TCTN3: variants seen among roughly 807,000 people sequenced by gnomAD.
The protein encoded by TCTN3 is tectonic family member 3, also known as tectonic-3.
A neutral mutation model predicts 71.3 loss-of-function variants in TCTN3; 57 were observed. The observed-to-expected ratio is 0.80, with a 90% CI of 0.65 to 1.00. The LOEUF (loss-of-function observed/expected upper bound fraction) is 1.00. Among genes scored for constraint, TCTN3 ranks in the 50% least tolerant of loss-of-function variants. The probability of loss-of-function intolerance (pLI) is 0.00; values close to 1 mark genes in which losing one functional copy is unlikely to be tolerated. For missense variants in TCTN3, 696 were observed against 719.9 expected, an observed-to-expected ratio of 0.97 and a Z score of 0.38; for synonymous variants, 258 against 267.8, an observed-to-expected ratio of 0.96 and a Z score of 0.36.
chr10:95,687,029 A>G lies in TCTN3; in HGVS notation c.852+15T>C. The G allele has an allele frequency of 1.3e-6, 2 of 1,590,034 alleles. No homozygotes were observed. Among genetic ancestry groups the G allele is most frequent in the Non-Finnish European group, 1.7e-6 (2 of 1,157,998 alleles). Reference sequence around the variant, plus strand: ...TTCATAGTAGTGACAGTGTAGGGAGAGAAAGGACACCTACCTTTAAGACTG... The same window carrying G: ...TTCATAGTAGTGACAGTGTAGGGAGGGAAAGGACACCTACCTTTAAGACTG... On this transcript the variant is annotated intron_variant, in intron 6 of 13. Transcript: ENST00000371217.
chr10:95,679,842 G>C (rs1476879938), intron 13 of TCTN3, among the ~76,000 whole-genome samples: 1 of 151,852 alleles, frequency 6.6e-6, no homozygotes, highest in Non-Finnish European at 1.5e-5. Context: ...CGCCCGCCTC[G>C]GCCTCCCAAA....
At chr10:95,684,465 C>T in intron 9 of TCTN3, 34 bp downstream of exon 9, 1 of 1,589,966 alleles carries the variant, frequency 6.3e-7, no homozygotes, top group African/African-American at 1.4e-5. Flanking sequence ...ATATTTCTTC[C>T]CCTCTAAATC....
chr10:95,668,407 G>C (rs1025661530), intron 13 of TCTN3, among the ~76,000 whole-genome samples: 4 of 152,028 alleles, frequency 2.6e-5, no homozygotes, highest in South Asian at 2.1e-4. Flanking sequence ...ATAAACTTTT[G>C]AAAACTTCAG....
rs1055537806 is a variant in TCTN3 at position 95,693,911 on chromosome 10, G to A, written c.-12C>T. The A allele has an allele frequency of 9.0e-6, 14 of 1,551,590 alleles. No homozygotes were observed. The highest frequency in any genetic ancestry group is 1.7e-4 in the Middle Eastern group (1 of 5,956). Reference sequence around the variant, plus strand: ...TGTGGGGTGCGCATGGGGCATTCAGGGCCTCCGGGTCCGACGTAGGCCTCC... The same window carrying A: ...TGTGGGGTGCGCATGGGGCATTCAGAGCCTCCGGGTCCGACGTAGGCCTCC... On this transcript the variant is annotated 5_prime_UTR_variant, in exon 1 of 14. Transcript: ENST00000371217.
At chr10:95,683,857 T>C (rs1242410380) in intron 9 of TCTN3, among the ~76,000 whole-genome samples, 3 of 152,168 alleles carry the variant, frequency 2.0e-5, no homozygotes, top group African/African-American at 7.2e-5. Context: ...TACGCTACTT[T>C]TACCAAGGAT....
rs989305259 is a variant in TCTN3, at chr10:95,680,578, G to C, written c.1484C>G (p.Pro495Arg). 6.2e-7 allele frequency: 1 copy of C among 1,614,078 alleles called. No homozygotes were observed. ...CAATACCTGGATCTCCAGGGAAACT[G>C]GTATGAGACAGCAGGAAGTACAGTT... ...AINCTSCCLI[P>R]VSLEIQVLWA... Residue 495 changes from proline (P) to arginine (R), a missense_variant, in exon 13 of 14, where the codon CCA (proline) becomes CGA (arginine). Physicochemically the swap from Pro to Arg is moderately radical, Grantham distance 103 (BLOSUM62 -2). Transcript: ENST00000371217.
At chr10:95,693,604 C>A (rs2097955766) in intron 1 of TCTN3, 40 bp downstream of exon 1, 1 of 1,547,556 alleles carries the variant, frequency 6.5e-7, no homozygotes, top group Non-Finnish European at 8.7e-7. Context: ...AATTTTAGAT[C>A]TCAGAAGTAA....
At chr10:95,669,936 G>A (rs1329743139) in intron 13 of TCTN3, among the ~76,000 whole-genome samples, 1 of 150,966 alleles carries the variant, frequency 6.6e-6, no homozygotes, top group Non-Finnish European at 1.5e-5. Context: ...GGTGGCGGGC[G>A]CCTGTAGTCC....
chr10:95,690,501 T>C (rs548101563), intron 3 of TCTN3, among the ~76,000 whole-genome samples: 13 of 152,240 alleles, frequency 8.5e-5, no homozygotes, highest in South Asian at 6.2e-4. Context: ...GTGGAAAATA[T>C]AGGTATTTCA....
intron 13 of TCTN3, among the ~76,000 whole-genome samples, chr10:95,679,692 C>T (rs1469515944): frequency 6.7e-5 from 10 of 148,322 alleles, no homozygotes; most frequent in South Asian, 2.1e-4. Flanking sequence ...CTCGGGTTCA[C>T]GCCATTCTCC....
At chr10:95,664,390 G>C in intron 13 of TCTN3, 90 bp from the exon 14 acceptor site, 4 of 1,100,626 alleles carry the variant, frequency 3.6e-6, no homozygotes, top group East Asian at 2.4e-5. Context: ...TCCCTGAAGA[G>C]AGAAATGAAT....
intron 6 of TCTN3, 127 bp downstream of exon 6, chr10:95,686,917 T>G (rs1409596217): frequency 1.3e-6 from 1 of 760,544 alleles, no homozygotes; most frequent in Non-Finnish European, 2.2e-6. Flanking sequence ...CCAGGCCCTC[T>G]GTCTTTTACG....
intron 3 of TCTN3, among the ~76,000 whole-genome samples, chr10:95,692,685 C>T (rs926841148): frequency 2.6e-5 from 4 of 152,100 alleles, no homozygotes; most frequent in African/African-American, 7.2e-5. Flanking sequence ...ACCCACCGGC[C>T]GCATGCAGCC....
intron 12 of TCTN3, 35 bp from the exon 13 acceptor site, chr10:95,680,644 C>T (rs1259803058): frequency 1.2e-6 from 2 of 1,603,160 alleles, no homozygotes; most frequent in African/African-American, 2.7e-5. Flanking sequence ...GCTTGAATTG[C>T]CTGATGGTTG....
chr10:95,671,726 A>G (rs371197588), intron 13 of TCTN3, among the ~76,000 whole-genome samples: 1 of 152,094 alleles, frequency 6.6e-6, no homozygotes, highest in East Asian at 1.9e-4. Flanking sequence ...CATATATTAC[A>G]GACTCAGGCG....
chr10:95,679,881 C>T (rs1042105919), intron 13 of TCTN3, among the ~76,000 whole-genome samples: 3 of 152,110 alleles, frequency 2.0e-5, no homozygotes, highest in Non-Finnish European at 4.4e-5. Context: ...TGAGCCACCG[C>T]GCCCGGCCGT....
At chr10:95,693,317 A>C in intron 2 of TCTN3, 36 bp downstream of exon 2, 1 of 1,551,060 alleles carries the variant, frequency 6.4e-7, no homozygotes, top group Non-Finnish European at 8.7e-7. Flanking sequence ...TAGGCCCCAA[A>C]CCCCTTTAGG....
At chr10:95,686,613 G>A in intron 6 of TCTN3, 83 bp from the exon 7 acceptor site, 1 of 1,418,436 alleles carries the variant, frequency 7.1e-7, no homozygotes, top group Non-Finnish European at 9.8e-7. Flanking sequence ...ACTACCAATA[G>A]GCTTTGGTTT....
In TCTN3 at chr10:95,672,160, T is replaced by TTGTGTGTGTGTGTGTG. The variant is rs10525130; in HGVS notation, c.1591-7861_1591-7860insCACACACACACACACA. Among the ~76,000 whole-genome samples, 258 of 139,670 alleles carry TTGTGTGTGTGTGTGTG rather than the reference T, an allele frequency of 1.8e-3. 2 individuals are homozygous for TTGTGTGTGTGTGTGTG. Among genetic ancestry groups the TTGTGTGTGTGTGTGTG allele is most frequent in the African/African-American group, 4.6e-3 (168 of 36,808 alleles). 91.6% of individuals were successfully genotyped at this position (139,670 alleles called of 152,430 possible). ...TATCATTAAAAATTAATTATTATTATTGTGTGTGTGTGTCTGGCTTCTTTC... is the reference window on the plus strand; with the variant it reads ...TATCATTAAAAATTAATTATTATTATTGTGTGTGTGTGTGTGTGTGTGTGTGTGTCTGGCTTCTTTC... On this transcript the variant is annotated intron_variant, in intron 13 of 13. Coordinates refer to ENST00000371217, the MANE Select transcript of TCTN3 (RefSeq NM_015631.6).
Sources: gnomAD v4.1 joint callset for allele counts (sites outside exome capture counted in the v4.1 genomes callset) on GRCh38, gnomAD v4.1.1 for gene constraint, MANE v1.5 for transcripts, NCBI Gene and HGNC (gene_info 2026-07-23, HGNC 2026-07-21) for gene names.